NOP58: variants seen among roughly 807,000 people sequenced by gnomAD.
NOP58 encodes the protein nucleolar protein 58.
A neutral mutation model predicts 71.2 loss-of-function variants in NOP58; 44 were observed. That is an observed-to-expected ratio of 0.62 (90% CI 0.49 to 0.79). NOP58 has a LOEUF of 0.79. Ranked by LOEUF, NOP58 falls within the 30% of genes least tolerant of loss-of-function variation. The pLI, the probability that NOP58 is intolerant of heterozygous loss-of-function variation, is 0.00. For synonymous variants in NOP58, 228 were observed against 200.3 expected, an observed-to-expected ratio of 1.14 and a Z score of -1.17; for missense variants, 538 against 620.2, an observed-to-expected ratio of 0.87 and a Z score of 1.41.
intron 9 of NOP58, among the ~76,000 whole-genome samples, chr2:202,293,608 GT>G (rs1688941977): frequency 6.6e-6 from 1 of 152,110 alleles, no homozygotes; most frequent in East Asian, 1.9e-4. Flanking sequence ...TTGAGACAGA[GT>G]TTCACTCTGT....
At chr2:202,284,540 A>T in intron 5 of NOP58, 59 bp downstream of exon 5, 1 of 1,552,672 alleles carries the variant, frequency 6.4e-7, no homozygotes, top group Non-Finnish European at 8.8e-7. Flanking sequence ...CTTAACATAG[A>T]TCTGTTCTAA....
At position 202,302,989 on chromosome 2, in the gene NOP58, G is replaced by A; in HGVS notation, c.1471G>A (p.Gly491Ser). 1.9e-6 allele frequency: 3 copies of A among 1,612,300 alleles called. No individual in the cohort carries two copies. The highest frequency in any genetic ancestry group is 2.5e-6 in the Non-Finnish European group (3 of 1,179,564). The change falls in exon 14 of 15, where the codon GGT (glycine) becomes AGT (serine). Residue 491 changes from glycine (G) to serine (S), a missense_variant. Coordinates refer to ENST00000264279, the MANE Select transcript of NOP58 (RefSeq NM_015934.5). ...ATCTGTGAAGAAGAAGAAGAAAAGG[G>A]GTAAAAAGAAACACATTAAGGAAGA... ...ETSVKKKKKR[G>S]KKKHIKEEPL...
At chr2:202,277,880 A>G (rs1321669347) in intron 2 of NOP58, 70 bp from the exon 3 acceptor site, 2 of 811,212 alleles carry the variant, frequency 2.5e-6, no homozygotes, top group Non-Finnish European at 4.2e-6. Flanking sequence ...ACTTCTTTCC[A>G]AGTTATGTGG....
chr2:202,293,524 T>G (rs1688940689), intron 9 of NOP58, among the ~76,000 whole-genome samples: 1 of 152,236 alleles, frequency 6.6e-6, no homozygotes, highest in South Asian at 2.1e-4. Flanking sequence ...TTGGAGACAT[T>G]GTTATAATTC....
Position 202,266,098 on chromosome 2 carries a change from C to T in NOP58, c.45+112C>T. ...AGTAGCGTGGGTGCCTGTTATAGCC[C>T]GGGCTCTGGGAGGAGGGAGAAGGCC... On this transcript the variant is annotated intron_variant, in intron 1 of 14. Coordinates refer to ENST00000264279, the MANE Select transcript of NOP58 (RefSeq NM_015934.5). The T allele has an allele frequency of 5.5e-6, 7 of 1,281,032 alleles. No homozygotes were observed. In the South Asian group the frequency reaches 7.2e-5, roughly 13 times the overall value. 79.4% of individuals were successfully genotyped at this position (1,281,032 alleles called of 1,614,324 possible).
chr2:202,284,151 C>T (rs1688752254), intron 4 of NOP58, among the ~76,000 whole-genome samples, 194 bp from the exon 5 acceptor site: 1 of 152,010 alleles, frequency 6.6e-6, no homozygotes, highest in East Asian at 1.9e-4. Flanking sequence ...CATGGTGGCT[C>T]ATGCCTGCAA....
intron 10 of NOP58, among the ~76,000 whole-genome samples, 161 bp downstream of exon 10, chr2:202,295,998 G>A (rs1194493527): frequency 6.6e-6 from 1 of 152,090 alleles, no homozygotes. Flanking sequence ...TGTGTACACT[G>A]AAGGATAAGG....
intron 12 of NOP58, among the ~76,000 whole-genome samples, chr2:202,299,505 GTTTC>G (rs1196689322): frequency 6.6e-6 from 1 of 151,914 alleles, no homozygotes; most frequent in Non-Finnish European, 1.5e-5. Context: ...ATGGTTCTTT[GTTTC>G]TTAAATTATA....
chr2:202,268,206 C>T (rs1237924743), intron 1 of NOP58, among the ~76,000 whole-genome samples: 1 of 152,114 alleles, frequency 6.6e-6, no homozygotes, highest in Non-Finnish European at 1.5e-5. Flanking sequence ...TTATTAGTTT[C>T]CTTTCCCATA....
At chr2:202,296,711 G>A (rs547513613) in intron 10 of NOP58, among the ~76,000 whole-genome samples, 4,845 of 112,242 alleles carry the variant, frequency 0.043, 234 homozygotes, top group African/African-American at 0.13. Context: ...AAGAACCCAC[G>A]CTTTTTTTTG....
chr2:202,279,870 C>T (rs1490628211), intron 3 of NOP58, among the ~76,000 whole-genome samples: 1 of 152,150 alleles, frequency 6.6e-6, no homozygotes, highest in Non-Finnish European at 1.5e-5. Flanking sequence ...AGTCAATTCC[C>T]CCCAGTCTAA....
intron 3 of NOP58, among the ~76,000 whole-genome samples, chr2:202,278,793 C>CA (rs1207996011): frequency 6.6e-6 from 1 of 152,084 alleles, no homozygotes. Flanking sequence ...AAGAATATGA[C>CA]AGATGCAAAA....
intron 2 of NOP58, among the ~76,000 whole-genome samples, chr2:202,277,062 C>T (rs894923851): frequency 4.9e-4 from 75 of 152,032 alleles, no homozygotes; most frequent in African/African-American, 1.8e-3. Flanking sequence ...CCAAGGCGGG[C>T]GGATGATGAG....
chr2:202,297,387 A>C lies in NOP58; in HGVS notation c.1080A>C (p.Arg360=), dbSNP rs1689012227. 6.2e-7 allele frequency: 1 copy of C among 1,612,214 alleles called. No individual in the cohort carries two copies. Among genetic ancestry groups the C allele is most frequent in the Non-Finnish European group, 8.5e-7 (1 of 1,179,314 alleles). The change falls in exon 11 of 15, where the codon CGA becomes CGC. Residue 360 remains arginine, a synonymous_variant. Transcript: ENST00000264279. The part of the protein sequence containing the change: ...TSPKHKGKIS[R]MLAAKTVLAI... ...TCATGTTTTTCTATTAGATTTCTCGAATGCTGGCAGCCAAAACCGTTTTGG... is the reference window on the plus strand; with the variant it reads ...TCATGTTTTTCTATTAGATTTCTCGCATGCTGGCAGCCAAAACCGTTTTGG...
At chr2:202,299,314 T>C (rs573227435) in intron 12 of NOP58, among the ~76,000 whole-genome samples, 1 of 152,304 alleles carries the variant, frequency 6.6e-6, no homozygotes, top group African/African-American at 2.4e-5. Flanking sequence ...GTAATTAATA[T>C]ATAGAACATT....
intron 13 of NOP58, among the ~76,000 whole-genome samples, chr2:202,301,226 C>G (rs1044906516): frequency 3.3e-5 from 5 of 152,010 alleles, no homozygotes; most frequent in Admixed American, 6.6e-5. Context: ...GCTCTGTCAC[C>G]CATGCTGGAG....
chr2:202,295,410 ATC>A (rs981298749), intron 9 of NOP58, among the ~76,000 whole-genome samples: 1 of 152,236 alleles, frequency 6.6e-6, no homozygotes, highest in African/African-American at 2.4e-5. Context: ...TAGTACTGCC[ATC>A]TCTCAGGTGA....
chr2:202,303,580 G>A lies in NOP58; in HGVS notation c.*144G>A. The stretch of plus-strand genomic sequence containing the variant: ...ATCATCTATAACTTCAAACCTATTT[G>A]TCTTGACATCAACTCTGTTAACCTT... On this transcript the variant is annotated 3_prime_UTR_variant, in exon 15 of 15. Transcript: ENST00000264279. The A allele has an allele frequency of 9.9e-7, 1 of 1,010,520 alleles. No homozygotes were observed. Among genetic ancestry groups the A allele is most frequent in the Non-Finnish European group, 1.4e-6 (1 of 729,388 alleles). The allele number at this position is 1,010,520 out of a possible 1,614,324, so 62.6% of individuals were successfully genotyped here. A position where few individuals can be genotyped will look rare whatever the true frequency, so the allele number is the denominator to read the frequency against.
chr2:202,300,647 A>G (rs2105858574), intron 13 of NOP58, among the ~76,000 whole-genome samples: 1 of 152,342 alleles, frequency 6.6e-6, no homozygotes, highest in Admixed American at 6.5e-5. Flanking sequence ...ATTAAGAGAA[A>G]AAAGGAACGT....
Sources: gnomAD v4.1 joint callset for allele counts (sites outside exome capture counted in the v4.1 genomes callset) on GRCh38, gnomAD v4.1.1 for gene constraint, MANE v1.5 for transcripts, NCBI Gene and HGNC (gene_info 2026-07-23, HGNC 2026-07-21) for gene names.